FLRT2: variants seen among roughly 807,000 people sequenced by gnomAD.
FLRT2 encodes leucine-rich repeat transmembrane protein FLRT2.
A neutral mutation model predicts 40.0 loss-of-function variants in FLRT2; 15 were observed. The ratio of observed to expected loss-of-function variants is 0.38; its 90% CI spans 0.25 to 0.58. The LOEUF (loss-of-function observed/expected upper bound fraction) is 0.58. Among genes scored for constraint, FLRT2 ranks in the 20% least tolerant of loss-of-function variants. The probability of loss-of-function intolerance (pLI) is 0.71; values close to 1 mark genes in which losing one functional copy is unlikely to be tolerated. For missense variants in FLRT2, 726 were observed against 840.0 expected (o/e 0.86, Z 1.68); for synonymous variants, 380 against 336.8 (o/e 1.13, Z -1.41).
Position 85,638,736 on chromosome 14 carries a change from C to G in FLRT2, c.*15239C>G, listed in dbSNP as rs185200641. On this transcript the variant is annotated 3_prime_UTR_variant, in exon 2 of 2. Transcript: ENST00000330753. The stretch of plus-strand genomic sequence containing the variant: ...GTAACATTAATTTGTGTTATAACCA[C>G]TGAATGTTCTAATTCCATGAATTTA... 6.6e-6 allele frequency: 1 copy of G among 152,186 alleles called. No individual in the cohort carries two copies. Among genetic ancestry groups the G allele is most frequent in the Non-Finnish European group, 1.5e-5 (1 of 68,034 alleles). 9.4% of individuals were successfully genotyped at this position (152,186 alleles called of 1,614,324 possible).
Position 85,621,334 on chromosome 14 carries a change from C to T in FLRT2, c.-181C>T, listed in dbSNP as rs912262223. 1 of 623,098 alleles carries T rather than the reference C, an allele frequency of 1.6e-6. No individual in the cohort carries two copies. The highest frequency in any genetic ancestry group is 4.3e-4 in the Middle Eastern group (1 of 2,316). 38.6% of individuals were successfully genotyped at this position (623,098 alleles called of 1,614,324 possible). A position where few individuals can be genotyped will look rare whatever the true frequency, so the allele number is the denominator to read the frequency against. ...TGGAGGACAGCAGCAAAGAGGGCAA[C>T]ACAGGCTGATAAGACCAGAGACAGC... On this transcript the variant is annotated 5_prime_UTR_variant, in exon 2 of 2. Coordinates refer to ENST00000330753, the MANE Select transcript of FLRT2 (RefSeq NM_013231.6).
chr14:85,619,198 C>T (rs145830784), intron 1 of FLRT2, among the ~76,000 whole-genome samples: 41 of 151,936 alleles, frequency 2.7e-4, no homozygotes, highest in African/African-American at 8.9e-4. Flanking sequence ...ATCCTCCCAC[C>T]TCAGCCTTCA....
Position 85,589,512 on chromosome 14 carries a change from GC to G in FLRT2, c.-376-31624del, listed in dbSNP as rs1891786614. On this transcript the variant is annotated intron_variant, in intron 1 of 1. Transcript: ENST00000330753. ...TCTCTTTATATCTTCTTGTTATTAAGCCCTGGTCAAATAGATAGTTTGTAAA... is the reference window on the plus strand; with the variant it reads ...TCTCTTTATATCTTCTTGTTATTAAGCCTGGTCAAATAGATAGTTTGTAAA... Among the ~76,000 whole-genome samples, 3 of 149,916 alleles carry G rather than the reference GC, an allele frequency of 2.0e-5. No individual in the cohort carries two copies. In the South Asian group the frequency reaches 6.9e-4, roughly 34 times the overall value.
At chr14:85,555,692 TTTTATTTTA>T (rs764851100) in intron 1 of FLRT2, among the ~76,000 whole-genome samples, 12,151 of 147,858 alleles carry the variant, frequency 0.082, 974 homozygotes, top group African/African-American at 0.2. Flanking sequence ...CTGAAATCTA[TTTTATTTTA>T]TTTTATTTTA....
Position 85,621,362 on chromosome 14 carries a change from G to A in FLRT2, c.-153G>A, listed in dbSNP as rs1893370001. The A allele has an allele frequency of 4.5e-6, 3 of 672,090 alleles. No homozygotes were observed. The highest frequency in any genetic ancestry group is 2.7e-5 in the East Asian group (1 of 36,532). 41.6% of individuals were successfully genotyped at this position (672,090 alleles called of 1,614,324 possible). ...AGGCTGATAAGACCAGAGACAGCAG[G>A]GAGATTATTTTACCATACGCCCTCA... On this transcript the variant is annotated 5_prime_UTR_variant, in exon 2 of 2. Coordinates refer to ENST00000330753, the MANE Select transcript of FLRT2 (RefSeq NM_013231.6).
intron 1 of FLRT2, among the ~76,000 whole-genome samples, chr14:85,566,347 A>G (rs1566731333): frequency 6.6e-6 from 1 of 152,166 alleles, no homozygotes; most frequent in Non-Finnish European, 1.5e-5. Flanking sequence ...CTTTCAAGAG[A>G]GGATTTTATT....
In FLRT2 at chr14:85,637,565, A is replaced by G. The variant is rs906848884; in HGVS notation, c.*14068A>G. 6 of 152,234 alleles carry G rather than the reference A, an allele frequency of 3.9e-5. No homozygotes were observed. The highest frequency in any genetic ancestry group is 7.3e-5 in the Non-Finnish European group (5 of 68,056). 9.4% of individuals were successfully genotyped at this position (152,234 alleles called of 1,614,324 possible). On this transcript the variant is annotated 3_prime_UTR_variant, in exon 2 of 2. Transcript: ENST00000330753. Reference sequence around the variant, plus strand: ...ACAATCGTCTGTCACTCCCGGTAGAACTAAGTGATTTTCCATGCTCCTGCA... The same window carrying G: ...ACAATCGTCTGTCACTCCCGGTAGAGCTAAGTGATTTTCCATGCTCCTGCA...
chr14:85,599,970 G>A (rs898027360), intron 1 of FLRT2, among the ~76,000 whole-genome samples: 4 of 152,174 alleles, frequency 2.6e-5, no homozygotes, highest in African/African-American at 9.7e-5. Context: ...GTATATGATG[G>A]GCACAATGAT....
In FLRT2 at chr14:85,635,749, A is replaced by C. The variant is rs891748606; in HGVS notation, c.*12252A>C. On this transcript the variant is annotated 3_prime_UTR_variant, in exon 2 of 2. Transcript: ENST00000330753. ...AGAAAGATGAAAACTTTTTAGAATA[A>C]TTAGGAAATTCTTCTTTCCCAGACC... 1 of 152,118 alleles carries C rather than the reference A, an allele frequency of 6.6e-6. No homozygotes were observed. The highest frequency in any genetic ancestry group is 1.5e-5 in the Non-Finnish European group (1 of 67,974). The allele number at this position is 152,118 out of a possible 1,614,324, so 9.4% of individuals were successfully genotyped here. A position where few individuals can be genotyped will look rare whatever the true frequency, so the allele number is the denominator to read the frequency against.
At chr14:85,579,230 A>G (rs1262733985) in intron 1 of FLRT2, among the ~76,000 whole-genome samples, 2 of 152,114 alleles carry the variant, frequency 1.3e-5, no homozygotes, top group Non-Finnish European at 2.9e-5. Flanking sequence ...CCCAGATGCA[A>G]TCTATGCTGC....
In FLRT2 at chr14:85,649,640, A is replaced by T. The variant is rs1894387343; in HGVS notation, c.*26143A>T. 1 of 152,196 alleles carries T rather than the reference A, an allele frequency of 6.6e-6. No homozygotes were observed. The highest frequency in any genetic ancestry group is 2.1e-4 in the South Asian group (1 of 4,824). 9.4% of individuals were successfully genotyped at this position (152,196 alleles called of 1,614,324 possible). A position where few individuals can be genotyped will look rare whatever the true frequency, so the allele number is the denominator to read the frequency against. ...ATACTGGTTTTAGGCAAAGGATTTT[A>T]AGATAAATTCTTTCATACTGGAATT... On this transcript the variant is annotated 3_prime_UTR_variant, in exon 2 of 2. Transcript: ENST00000330753.
rs909508375 is a variant in FLRT2 at position 85,634,482 on chromosome 14, G to A, written c.*10985G>A. 1 of 152,172 alleles carries A rather than the reference G, an allele frequency of 6.6e-6. No individual in the cohort carries two copies. The highest frequency in any genetic ancestry group is 1.5e-5 in the Non-Finnish European group (1 of 68,040). The allele number at this position is 152,172 out of a possible 1,614,324, so 9.4% of individuals were successfully genotyped here. On this transcript the variant is annotated 3_prime_UTR_variant, in exon 2 of 2. Coordinates refer to ENST00000330753, the MANE Select transcript of FLRT2 (RefSeq NM_013231.6). ...CTGAAGTAAGGAGGAAGCAGGAAGT[G>A]AGCTGTTTTGTAATGGAGGCCAATT...
In FLRT2 at chr14:85,643,040, C is replaced by T. The variant is rs1397245622; in HGVS notation, c.*19543C>T. 6.6e-6 allele frequency: 1 copy of T among 152,188 alleles called. No homozygotes were observed. The allele number at this position is 152,188 out of a possible 1,614,324, so 9.4% of individuals were successfully genotyped here. A position where few individuals can be genotyped will look rare whatever the true frequency, so the allele number is the denominator to read the frequency against. On this transcript the variant is annotated 3_prime_UTR_variant, in exon 2 of 2. Coordinates refer to ENST00000330753, the MANE Select transcript of FLRT2 (RefSeq NM_013231.6). Reference sequence around the variant, plus strand: ...GTTGTAAACAACTGCCCTCAGAAGGCTCTCTCCTGTCTCTTTTTATTAGGT... The same window carrying T: ...GTTGTAAACAACTGCCCTCAGAAGGTTCTCTCCTGTCTCTTTTTATTAGGT...
intron 1 of FLRT2, among the ~76,000 whole-genome samples, chr14:85,584,630 A>G (rs1891536056): frequency 6.6e-6 from 1 of 152,186 alleles, no homozygotes; most frequent in Non-Finnish European, 1.5e-5. Flanking sequence ...CAAACAGGGC[A>G]GGTCCTGCCC....
intron 1 of FLRT2, among the ~76,000 whole-genome samples, chr14:85,594,062 CAAA>C (rs1327213469): frequency 6.6e-6 from 1 of 151,948 alleles, no homozygotes; most frequent in African/African-American, 2.4e-5. Context: ...CAAAACAAAA[CAAA>C]ACATATATAT....
intron 1 of FLRT2, among the ~76,000 whole-genome samples, chr14:85,552,170 C>T (rs1056043641): frequency 3.3e-5 from 5 of 152,116 alleles, no homozygotes; most frequent in South Asian, 2.1e-4. Context: ...TGTACAAGGC[C>T]GGGCAGTTCT....
intron 1 of FLRT2, among the ~76,000 whole-genome samples, chr14:85,536,880 C>G (rs1888694828): frequency 6.6e-6 from 1 of 152,088 alleles, no homozygotes; most frequent in South Asian, 2.1e-4. Flanking sequence ...AATAAAACAC[C>G]AGAGCTATCC....
chr14:85,556,061 T>A (rs1889941381), intron 1 of FLRT2, among the ~76,000 whole-genome samples: 1 of 152,184 alleles, frequency 6.6e-6, no homozygotes, highest in African/African-American at 2.4e-5. Flanking sequence ...AGTTGGGAAA[T>A]CCTATCCCAT....
intron 1 of FLRT2, among the ~76,000 whole-genome samples, chr14:85,539,646 A>T (rs191488464): frequency 6.6e-6 from 1 of 152,160 alleles, no homozygotes; most frequent in Admixed American, 6.5e-5. Flanking sequence ...TTTCCTCTCT[A>T]CAGAGTTCAA....
Sources: gnomAD v4.1 joint callset for allele counts (sites outside exome capture counted in the v4.1 genomes callset) on GRCh38, gnomAD v4.1.1 for gene constraint, MANE v1.5 for transcripts, NCBI Gene and HGNC (gene_info 2026-07-23, HGNC 2026-07-21) for gene names.